Variants in FBXL7 observed in about 807,000 individuals in gnomAD.
The protein encoded by FBXL7 is F-box/LRR-repeat protein 7.
Under a neutral mutation model 38.3 loss-of-function variants are expected in FBXL7, and 12 were observed. That is an observed-to-expected ratio of 0.31 (90% CI 0.20 to 0.51). The LOEUF (loss-of-function observed/expected upper bound fraction) is 0.51, where lower values mean the gene tolerates loss of function less well. Ranked by LOEUF, FBXL7 falls within the 20% of genes least tolerant of loss-of-function variation. The pLI is 0.98. For missense variants in FBXL7, 567 were observed against 676.4 expected, an observed-to-expected ratio of 0.84 and a Z score of 1.79; for synonymous variants, 297 against 300.9, an observed-to-expected ratio of 0.99 and a Z score of 0.13.
intron 2 of FBXL7, among the ~76,000 whole-genome samples, chr5:15,742,768 T>A (rs1416436102): frequency 6.6e-6 from 1 of 152,178 alleles, no homozygotes; most frequent in African/African-American, 2.4e-5. Context: ...AAAGACATAC[T>A]CGAGACTGAG....
At chr5:15,625,655 A>G (rs1316627943) in intron 2 of FBXL7, among the ~76,000 whole-genome samples, 2 of 152,224 alleles carry the variant, frequency 1.3e-5, no homozygotes, top group African/African-American at 2.4e-5. Flanking sequence ...CTCTGTCTCA[A>G]AAAAACCAAC....
chr5:15,542,998 T>G (rs182695273), intron 1 of FBXL7, among the ~76,000 whole-genome samples: 1 of 152,286 alleles, frequency 6.6e-6, no homozygotes, highest in Non-Finnish European at 1.5e-5. Context: ...AATTTAAGGT[T>G]CCTGAGCAGT....
chr5:15,520,892 A>G (rs1038346475), intron 1 of FBXL7, among the ~76,000 whole-genome samples: 42 of 152,242 alleles, frequency 2.8e-4, no homozygotes, highest in African/African-American at 1.0e-3. Flanking sequence ...TTTCATTTGT[A>G]TCAGAGAAAC....
At chr5:15,694,979 CAG>C (rs1743289883) in intron 2 of FBXL7, among the ~76,000 whole-genome samples, 1 of 152,142 alleles carries the variant, frequency 6.6e-6, no homozygotes, top group East Asian at 1.9e-4. Context: ...AGCTATAAAA[CAG>C]AGAGCTTTAA....
intron 2 of FBXL7, among the ~76,000 whole-genome samples, chr5:15,644,187 A>C (rs549955778): frequency 1.3e-5 from 2 of 151,866 alleles, no homozygotes; most frequent in East Asian, 3.9e-4. Context: ...CGCCAGGCGC[A>C]GTGGCCCACG....
At position 15,500,621 on chromosome 5, in the gene FBXL7, G is replaced by C. The variant is rs1736462162; in HGVS notation, c.-56G>C. On this transcript the variant is annotated 5_prime_UTR_variant, in exon 1 of 4. Coordinates refer to ENST00000504595, the MANE Select transcript of FBXL7 (RefSeq NM_012304.5). ...GGCTTTCCTCGGGCCGAGCGCGCAG[G>C]ACGTGCGCCGCAGCTATGGAGTGTC... 8.7e-6 allele frequency: 14 copies of C among 1,612,216 alleles called. No homozygotes were observed. The highest frequency in any genetic ancestry group is 2.2e-5 in the South Asian group (2 of 91,060).
intron 2 of FBXL7, among the ~76,000 whole-genome samples, chr5:15,780,234 TA>T (rs549975998): frequency 1.3e-3 from 204 of 152,222 alleles, no homozygotes; most frequent in African/African-American, 4.7e-3. Context: ...AGTAAAGGGC[TA>T]AAAGTTGCCT....
rs1735553560 is a variant in FBXL7 at position 15,730,504 on chromosome 5, CAAAAAT to C, written c.127+114437_127+114442del. Among the ~76,000 whole-genome samples the C allele has an allele frequency of 2.6e-5, 4 of 151,982 alleles. No homozygotes were observed. The East Asian group carries it at 7.8e-4, about 29-fold the overall frequency. On this transcript the variant is annotated intron_variant, in intron 2 of 3. Transcript: ENST00000504595. ...TTACTGAGGTATGGACTAAATATAC[CAAAAAT>C]AAAATAAGTATGATAAAAATTCAAA... is the stretch of plus-strand genomic sequence containing the variant.
intron 2 of FBXL7, among the ~76,000 whole-genome samples, chr5:15,759,404 T>C (rs915585562): frequency 5.3e-5 from 8 of 152,174 alleles, no homozygotes; most frequent in African/African-American, 1.9e-4. Flanking sequence ...TGAAATCATT[T>C]TTCCTCTTTT....
At chr5:15,749,443 G>A (rs148458995) in intron 2 of FBXL7, among the ~76,000 whole-genome samples, 227 of 151,830 alleles carry the variant, frequency 1.5e-3, no homozygotes, top group Middle Eastern at 6.9e-3. Flanking sequence ...TGGCTAACAC[G>A]GTGAAACCCC....
At chr5:15,554,331 G>A (rs1323519344) in intron 1 of FBXL7, among the ~76,000 whole-genome samples, 2 of 152,118 alleles carry the variant, frequency 1.3e-5, no homozygotes, top group Non-Finnish European at 2.9e-5. Flanking sequence ...GCAGATCCCT[G>A]TCTAATTCAC....
At chr5:15,710,783 G>T (rs1024660076) in intron 2 of FBXL7, among the ~76,000 whole-genome samples, 3 of 152,144 alleles carry the variant, frequency 2.0e-5, no homozygotes, top group African/African-American at 4.8e-5. Flanking sequence ...TTAAAACAAA[G>T]AAATTTATCA....
chr5:15,533,892 C>G (rs1261463734), intron 1 of FBXL7, among the ~76,000 whole-genome samples: 1 of 152,112 alleles, frequency 6.6e-6, no homozygotes, highest in Non-Finnish European at 1.5e-5. Flanking sequence ...AAGAAGGATG[C>G]TTTGGGGAGT....
intron 2 of FBXL7, among the ~76,000 whole-genome samples, chr5:15,655,229 C>T (rs1057320685): frequency 3.3e-5 from 5 of 152,162 alleles, no homozygotes; most frequent in Non-Finnish European, 2.9e-5. Context: ...GGTGCGGTGG[C>T]TCACGCCTGT....
intron 2 of FBXL7, among the ~76,000 whole-genome samples, chr5:15,838,397 C>T (rs1204932704): frequency 1.3e-5 from 2 of 152,054 alleles, no homozygotes; most frequent in African/African-American, 4.8e-5. Context: ...TTTATAAGAG[C>T]ACTAATCCCA....
chr5:15,556,022 A>G (rs575353139), intron 1 of FBXL7, among the ~76,000 whole-genome samples: 4 of 149,936 alleles, frequency 2.7e-5, no homozygotes, highest in African/African-American at 9.8e-5. Context: ...TCTATCATCT[A>G]TCAGTCTATC....
intron 2 of FBXL7, among the ~76,000 whole-genome samples, chr5:15,710,348 A>G (rs930260439): frequency 6.6e-6 from 1 of 152,098 alleles, no homozygotes; most frequent in African/African-American, 2.4e-5. Flanking sequence ...CACCAGAAAC[A>G]TGACCACCTC....
chr5:15,563,021 C>T (rs949660732), intron 1 of FBXL7, among the ~76,000 whole-genome samples: 3 of 152,100 alleles, frequency 2.0e-5, no homozygotes, highest in African/African-American at 7.2e-5. Flanking sequence ...TATAGCAGAA[C>T]TTACTTATCT....
intron 2 of FBXL7, among the ~76,000 whole-genome samples, chr5:15,921,875 C>A (rs1741751906): frequency 1.3e-5 from 2 of 152,014 alleles, no homozygotes; most frequent in African/African-American, 2.4e-5. Flanking sequence ...GAAAAGAGAA[C>A]CCTTGGAATC....
Sources: allele counts gnomAD v4.1 joint callset (sites outside exome capture counted in the v4.1 genomes callset), GRCh38; gene constraint gnomAD v4.1.1; transcripts MANE v1.5; gene names NCBI Gene and HGNC (gene_info 2026-07-23, HGNC 2026-07-21).